The following SNX30 variants were observed in gnomAD, a reference collection of about 807,000 sequenced individuals.
SNX30 encodes sorting nexin-30.
In SNX30, 24 loss-of-function variants were observed where a neutral mutation model predicts 46.4. The observed-to-expected ratio is 0.52, with a 90% CI of 0.37 to 0.73. The LOEUF is 0.73. Ranked by LOEUF, SNX30 falls within the 30% of genes least tolerant of loss-of-function variation. The pLI, the probability that SNX30 is intolerant of heterozygous loss-of-function variation, is 0.00. For synonymous variants in SNX30, 189 were observed against 211.5 expected (o/e 0.89, Z 0.92); for missense variants, 533 against 555.7 (o/e 0.96, Z 0.41).
chr9:112,819,937 C>CT (rs1433475789), intron 3 of SNX30, among the ~76,000 whole-genome samples: 2 of 152,208 alleles, frequency 1.3e-5, no homozygotes, highest in Admixed American at 6.5e-5. Flanking sequence ...TTCTCCCAGC[C>CT]TTTTTGTACT....
At chr9:112,790,767 G>C (rs1466436129) in intron 1 of SNX30, among the ~76,000 whole-genome samples, 1 of 152,138 alleles carries the variant, frequency 6.6e-6, no homozygotes, top group African/African-American at 2.4e-5. Flanking sequence ...AAATATAGCA[G>C]TTCATGTTTA....
In SNX30 at chr9:112,751,183, G is replaced by A. The variant is rs1334362264; in HGVS notation, c.156+26G>A. 6 of 1,446,004 alleles carry A rather than the reference G, an allele frequency of 4.1e-6. No individual in the cohort carries two copies. In the Admixed American group the frequency reaches 1.2e-4, roughly 28 times the overall value. The allele number at this position is 1,446,004 out of a possible 1,614,324, so 89.6% of individuals were successfully genotyped here. A position where few individuals can be genotyped will look rare whatever the true frequency, so the allele number is the denominator to read the frequency against. On this transcript the variant is annotated intron_variant, in intron 1 of 8. Transcript: ENST00000374232. ...GTGGGGCGCCTGGGGCCGGGGAGTG[G>A]GAGGCTTATTTCGCTCCCCGTGGGG...
intron 1 of SNX30, among the ~76,000 whole-genome samples, chr9:112,779,661 C>T: frequency 6.6e-6 from 1 of 152,116 alleles, no homozygotes; most frequent in Non-Finnish European, 1.5e-5. Context: ...CGCCACTGCA[C>T]CCTAGCCTGG....
chr9:112,817,750 A>C lies in SNX30; in HGVS notation c.394A>C (p.Arg132=). The change falls in exon 3 of 9, where the codon AGA becomes CGA. Residue 132 remains arginine (R), a synonymous_variant. Coordinates refer to ENST00000374232, the MANE Select transcript of SNX30 (RefSeq NM_001012994.2). ...FDLPEYSVRR[R]YQDFDWLRSK... ...CCTGCCAGAATATTCTGTTCGTCGA[A>C]GATACCAGGATTTTGACTGGTTGAG... 6.2e-7 allele frequency: 1 copy of C among 1,613,946 alleles called. No homozygotes were observed. The highest frequency in any genetic ancestry group is 2.2e-5 in the East Asian group (1 of 44,870).
rs928212736 is a variant in SNX30 at position 112,871,543 on chromosome 9, T to C, written c.*2700T>C. The stretch of plus-strand genomic sequence containing the variant: ...CACAAAATTGTGGCCCTGAGATCAG[T>C]ACTCCTCTCTTAAGTATTTATTATT... On this transcript the variant is annotated 3_prime_UTR_variant, in exon 9 of 9. Coordinates refer to ENST00000374232, the MANE Select transcript of SNX30 (RefSeq NM_001012994.2). The C allele has an allele frequency of 2.0e-5, 3 of 152,126 alleles. No homozygotes were observed. The highest frequency in any genetic ancestry group is 4.4e-5 in the Non-Finnish European group (3 of 68,032). 9.4% of individuals were successfully genotyped at this position (152,126 alleles called of 1,614,324 possible). A position where few individuals can be genotyped will look rare whatever the true frequency, so the allele number is the denominator to read the frequency against.
intron 1 of SNX30, among the ~76,000 whole-genome samples, chr9:112,793,581 G>T (rs1840060283): frequency 6.6e-6 from 1 of 152,106 alleles, no homozygotes; most frequent in African/African-American, 2.4e-5. Context: ...GTGTAAAGGG[G>T]GTTCAAGGAC....
upstream of SNX30, chr9:112,750,308 T>C (rs928379700): frequency 6.6e-6 from 1 of 152,288 alleles, no homozygotes; most frequent in Non-Finnish European, 1.5e-5. Flanking sequence ...CATTTGAGCC[T>C]TGTCGCCCTT....
intron 1 of SNX30, among the ~76,000 whole-genome samples, chr9:112,752,934 A>C (rs1365630537): frequency 6.6e-6 from 1 of 152,084 alleles, no homozygotes; most frequent in Non-Finnish European, 1.5e-5. Context: ...GTTACTCTCC[A>C]TAGGGCTGTT....
In SNX30 at chr9:112,872,273, G is replaced by A. The variant is rs530735339; in HGVS notation, c.*3430G>A. 1 of 152,246 alleles carries A rather than the reference G, an allele frequency of 6.6e-6. No homozygotes were observed. Among genetic ancestry groups the A allele is most frequent in the South Asian group, 2.1e-4 (1 of 4,826 alleles). 9.4% of individuals were successfully genotyped at this position (152,246 alleles called of 1,614,324 possible). On this transcript the variant is annotated 3_prime_UTR_variant, in exon 9 of 9. Coordinates refer to ENST00000374232, the MANE Select transcript of SNX30 (RefSeq NM_001012994.2). ...GAAGTTCTGCTTTAGAGGAGGGCAC[G>A]ATGACCATGTGGCAGTCTGCAAGTG... is the stretch of plus-strand genomic sequence containing the variant.
At chr9:112,852,622 A>C (rs572651712) in intron 7 of SNX30, among the ~76,000 whole-genome samples, 4 of 152,310 alleles carry the variant, frequency 2.6e-5, no homozygotes, top group African/African-American at 9.6e-5. Context: ...AGAGATGAGC[A>C]AACCAAGGCC....
In SNX30 at chr9:112,874,654, G is replaced by A. The variant is rs938976337; in HGVS notation, c.*5811G>A. ...CTTGAGAGAGTGTGTTGATAAGAAAGTGATTTATTTACAGATGGAAGTCTT... is the reference window on the plus strand; with the variant it reads ...CTTGAGAGAGTGTGTTGATAAGAAAATGATTTATTTACAGATGGAAGTCTT... On this transcript the variant is annotated 3_prime_UTR_variant, in exon 9 of 9. Transcript: ENST00000374232. The A allele has an allele frequency of 1.3e-5, 2 of 152,150 alleles. No homozygotes were observed. The highest frequency in any genetic ancestry group is 4.8e-5 in the African/African-American group (2 of 41,416). 9.4% of individuals were successfully genotyped at this position (152,150 alleles called of 1,614,324 possible).
intron 1 of SNX30, among the ~76,000 whole-genome samples, chr9:112,778,223 A>G (rs904114222): frequency 6.6e-6 from 1 of 151,342 alleles, no homozygotes; most frequent in African/African-American, 2.4e-5. Flanking sequence ...GCTGGGCCAT[A>G]TAAGGGCTAT....
intron 1 of SNX30, among the ~76,000 whole-genome samples, chr9:112,753,004 G>A (rs939113742): frequency 6.6e-6 from 1 of 152,194 alleles, no homozygotes; most frequent in Non-Finnish European, 1.5e-5. Flanking sequence ...CAAGACTCTA[G>A]CCAGTCTTGT....
chr9:112,797,243 C>T (rs1040124066), intron 1 of SNX30, among the ~76,000 whole-genome samples: 11 of 152,164 alleles, frequency 7.2e-5, no homozygotes, highest in Non-Finnish European at 1.3e-4. Flanking sequence ...GACCAAAGAG[C>T]GAGGTCTGCA....
intron 1 of SNX30, among the ~76,000 whole-genome samples, chr9:112,790,749 C>G (rs1840006256): frequency 6.6e-6 from 1 of 152,238 alleles, no homozygotes; most frequent in Non-Finnish European, 1.5e-5. Flanking sequence ...TTTCCCAGAA[C>G]ATTTAGTAAA....
In SNX30 at chr9:112,860,175, T is replaced by C. The variant is rs186155988; in HGVS notation, c.1102-4072T>C. 5.6e-3 allele frequency among the ~76,000 whole-genome samples: 858 copies of C among 152,174 alleles called. 4 individuals are homozygous for C. The highest frequency in any genetic ancestry group is 0.021 in the Middle Eastern group (6 of 292). ...GTTGGCCAGGGTGGTCTCGATCTCT[T>C]GACCTTGTGATCTGCCCGCCTCAGG... On this transcript the variant is annotated intron_variant, in intron 7 of 8. Transcript: ENST00000374232.
chr9:112,837,922 G>A (rs1376403289), intron 5 of SNX30, among the ~76,000 whole-genome samples: 5 of 117,036 alleles, frequency 4.3e-5, no homozygotes, highest in Admixed American at 2.2e-4. Context: ...ACGGAGTCTC[G>A]CTTTGTTGCC....
chr9:112,770,656 T>C (rs530877793), intron 1 of SNX30, among the ~76,000 whole-genome samples: 1 of 152,208 alleles, frequency 6.6e-6, no homozygotes, highest in East Asian at 1.9e-4. Context: ...CCTGCAGGCT[T>C]GTTCATCTAT....
At chr9:112,858,776 A>C (rs1355018455) in intron 7 of SNX30, among the ~76,000 whole-genome samples, 1 of 151,198 alleles carries the variant, frequency 6.6e-6, no homozygotes, top group African/African-American at 2.4e-5. Context: ...CTGATTCACC[A>C]CCTCCTCTTT....
Sources: gnomAD v4.1 joint callset for allele counts (sites outside exome capture counted in the v4.1 genomes callset) on GRCh38, gnomAD v4.1.1 for gene constraint, MANE v1.5 for transcripts, NCBI Gene and HGNC (gene_info 2026-07-23, HGNC 2026-07-21) for gene names.